The following TRPM3 variants were observed in gnomAD, a reference collection of about 807,000 sequenced individuals.
The protein encoded by TRPM3 is long transient receptor potential channel 3.
A neutral mutation model predicts 181.2 loss-of-function variants in TRPM3; 77 were observed. That is an observed-to-expected ratio of 0.42 (90% CI 0.35 to 0.51). The LOEUF (loss-of-function observed/expected upper bound fraction) is 0.51. TRPM3 is among the 20% of genes least tolerant of loss of function. The pLI, the probability that TRPM3 is intolerant of heterozygous loss-of-function variation, is 0.01. For missense variants in TRPM3, 1,759 were observed against 2,196.7 expected, an observed-to-expected ratio of 0.80 and a Z score of 3.98; for synonymous variants, 745 against 796.4, an observed-to-expected ratio of 0.94 and a Z score of 1.09.
chr9:71,395,262 A>G (rs151196213), intron 1 of TRPM3, among the ~76,000 whole-genome samples: 2 of 152,274 alleles, frequency 1.3e-5, no homozygotes, highest in Non-Finnish European at 2.9e-5. Flanking sequence ...CTTGTACTCA[A>G]TTTGGCACTT....
chr9:70,746,422 T>C (rs2075174374), intron 8 of TRPM3, among the ~76,000 whole-genome samples: 1 of 152,102 alleles, frequency 6.6e-6, no homozygotes, highest in African/African-American at 2.4e-5. Context: ...GCTTCACACA[T>C]ACTCTCATAA....
At chr9:70,907,627 T>A (rs1280437368) in intron 1 of TRPM3, among the ~76,000 whole-genome samples, 3 of 152,178 alleles carry the variant, frequency 2.0e-5, no homozygotes, top group Non-Finnish European at 4.4e-5. Flanking sequence ...CACTGAGGTT[T>A]GAGCTTCTAC....
intron 1 of TRPM3, among the ~76,000 whole-genome samples, chr9:70,926,910 C>T (rs1564779761): frequency 6.6e-6 from 1 of 152,112 alleles, no homozygotes; most frequent in Non-Finnish European, 1.5e-5. Flanking sequence ...TCAGAGGAGG[C>T]CTGTGTTGAC....
At chr9:71,266,493 C>T (rs1302414133) in intron 1 of TRPM3, among the ~76,000 whole-genome samples, 1 of 152,096 alleles carries the variant, frequency 6.6e-6, no homozygotes. Flanking sequence ...CCAAGAATCC[C>T]CTCCCTTCTT....
chr9:70,652,323 A>T (rs1478462114), intron 9 of TRPM3, among the ~76,000 whole-genome samples: 1 of 152,126 alleles, frequency 6.6e-6, no homozygotes, highest in African/African-American at 2.4e-5. Context: ...GGAGTTGTCC[A>T]GTAGGCAATC....
chr9:71,079,917 T>C (rs946660777), intron 1 of TRPM3, among the ~76,000 whole-genome samples: 3 of 152,164 alleles, frequency 2.0e-5, no homozygotes, highest in African/African-American at 7.2e-5. Flanking sequence ...ACGCCTGTAA[T>C]CCCAGGACTT....
At chr9:71,337,067 G>T (rs933661293) in intron 1 of TRPM3, among the ~76,000 whole-genome samples, 1 of 151,910 alleles carries the variant, frequency 6.6e-6, no homozygotes, top group African/African-American at 2.4e-5. Context: ...ACTAAAACAC[G>T]AAAAGCAATG....
At chr9:70,950,190 A>G (rs1389693951) in intron 1 of TRPM3, among the ~76,000 whole-genome samples, 2 of 152,202 alleles carry the variant, frequency 1.3e-5, no homozygotes, top group Non-Finnish European at 2.9e-5. Flanking sequence ...AATTTAGAAA[A>G]TATTTAATAT....
chr9:71,139,442 TA>T (rs149042514), intron 1 of TRPM3, among the ~76,000 whole-genome samples: 1,619 of 152,288 alleles, frequency 0.011, 7 homozygotes, highest in East Asian at 0.023. Flanking sequence ...ATTTCAGACT[TA>T]AAAATAGGAA....
At chr9:70,784,475 T>A (rs553515287) in intron 6 of TRPM3, among the ~76,000 whole-genome samples, 196 bp from the exon 7 acceptor site, 3 of 152,252 alleles carry the variant, frequency 2.0e-5, no homozygotes, top group African/African-American at 4.8e-5. Flanking sequence ...CCAGAAAGTC[T>A]ATTTGACTTT....
chr9:71,168,634 A>AT (rs1160659871), intron 1 of TRPM3, among the ~76,000 whole-genome samples: 3 of 95,374 alleles, frequency 3.1e-5, no homozygotes, highest in Non-Finnish European at 4.5e-5. Context: ...TTTTTTTATT[A>AT]TTTTTTATTT....
At chr9:71,108,354 G>A (rs1401915013) in intron 1 of TRPM3, among the ~76,000 whole-genome samples, 1 of 152,138 alleles carries the variant, frequency 6.6e-6, no homozygotes, top group Non-Finnish European at 1.5e-5. Flanking sequence ...GGAAGTTCAT[G>A]CTAATTGAGT....
chr9:71,318,501 A>G (rs1477785334), intron 1 of TRPM3, among the ~76,000 whole-genome samples: 1 of 152,146 alleles, frequency 6.6e-6, no homozygotes, highest in African/African-American at 2.4e-5. Context: ...ATCTGCAAGT[A>G]TTTTTAAATT....
intron 1 of TRPM3, among the ~76,000 whole-genome samples, chr9:71,178,770 T>G (rs2077240383): frequency 6.6e-6 from 1 of 152,082 alleles, no homozygotes; most frequent in Admixed American, 6.6e-5. Context: ...TAACTAAACG[T>G]GACGCACAAA....
At chr9:70,996,433 C>T (rs140367932) in intron 1 of TRPM3, among the ~76,000 whole-genome samples, 43 of 152,278 alleles carry the variant, frequency 2.8e-4, no homozygotes, top group South Asian at 8.3e-4. Context: ...CTAGCAAATC[C>T]GGACAGTCAA....
At chr9:70,668,137 G>A (rs974346278) in intron 9 of TRPM3, among the ~76,000 whole-genome samples, 1 of 152,138 alleles carries the variant, frequency 6.6e-6, no homozygotes, top group Admixed American at 6.5e-5. Context: ...TCAAACATGG[G>A]GGTGGTCCTT....
chr9:70,878,718 T>C (rs572441564), intron 1 of TRPM3, among the ~76,000 whole-genome samples: 4 of 152,200 alleles, frequency 2.6e-5, no homozygotes, highest in African/African-American at 7.2e-5. Flanking sequence ...CACAAACAGT[T>C]TGTGGGCCAA....
At chr9:70,944,518 A>T (rs2096914488) in intron 1 of TRPM3, among the ~76,000 whole-genome samples, 1 of 152,112 alleles carries the variant, frequency 6.6e-6, no homozygotes, top group South Asian at 2.1e-4. Context: ...ATGAGGTTGT[A>T]AAGGAAAAGT....
intron 1 of TRPM3, among the ~76,000 whole-genome samples, chr9:70,900,812 G>A (rs2096374136): frequency 6.6e-6 from 1 of 152,212 alleles, no homozygotes; most frequent in South Asian, 2.1e-4. Flanking sequence ...GGAAGGGCCA[G>A]GCTAGAGCAA....
Sources: gnomAD v4.1 joint callset for allele counts (sites outside exome capture counted in the v4.1 genomes callset) on GRCh38, gnomAD v4.1.1 for gene constraint, MANE v1.5 for transcripts, NCBI Gene and HGNC (gene_info 2026-07-23, HGNC 2026-07-21) for gene names.